Variants in GRIK2 observed in about 807,000 individuals in gnomAD.
GRIK2 encodes the protein glutamate receptor ionotropic, kainate 2.
In GRIK2, 32 loss-of-function variants were observed where a neutral mutation model predicts 100.3. The ratio of observed to expected loss-of-function variants is 0.32; its 90% confidence interval spans 0.24 to 0.43. The LOEUF (loss-of-function observed/expected upper bound fraction) is 0.43. Ranked by LOEUF, GRIK2 falls within the 20% of genes least tolerant of loss-of-function variation. GRIK2 has a pLI of 1.00. For synonymous variants in GRIK2, 417 were observed against 389.4 expected (o/e 1.07, Z -0.83); for missense variants, 843 against 1,114.9 (o/e 0.76, Z 3.47).
intron 7 of GRIK2, among the ~76,000 whole-genome samples, chr6:101,762,943 A>G (rs1777822876): frequency 1.3e-5 from 2 of 152,170 alleles, no homozygotes. Context: ...CATCAGACTT[A>G]AGAGCTGGCT....
chr6:101,922,862 C>A (rs1789647281), intron 12 of GRIK2, among the ~76,000 whole-genome samples: 1 of 152,116 alleles, frequency 6.6e-6, no homozygotes, highest in Non-Finnish European at 1.5e-5. Context: ...AGACTGATGG[C>A]CAACATTCTG....
At chr6:101,759,656 C>G (rs1406223313) in intron 7 of GRIK2, among the ~76,000 whole-genome samples, 1 of 151,874 alleles carries the variant, frequency 6.6e-6, no homozygotes, top group East Asian at 1.9e-4. Context: ...CATTAAGGCC[C>G]TTTGTTGTGT....
At chr6:101,465,893 G>A (rs1226498178) in intron 2 of GRIK2, among the ~76,000 whole-genome samples, 5 of 152,180 alleles carry the variant, frequency 3.3e-5, no homozygotes, top group Non-Finnish European at 7.3e-5. Context: ...GTTAATTCAA[G>A]TCTTATGGGG....
At chr6:101,895,809 C>G (rs1367551556) in intron 12 of GRIK2, among the ~76,000 whole-genome samples, 1 of 151,416 alleles carries the variant, frequency 6.6e-6, no homozygotes, top group Non-Finnish European at 1.5e-5. Flanking sequence ...TGCAGAAAAG[C>G]CTATTTATTA....
chr6:102,034,676 GA>G (rs1362445977), intron 14 of GRIK2, among the ~76,000 whole-genome samples: 1 of 151,262 alleles, frequency 6.6e-6, no homozygotes, highest in Non-Finnish European at 1.5e-5. Context: ...ATTGGTCCAG[GA>G]ATCTTTAGTT....
At chr6:101,887,643 G>A (rs1346498511) in intron 11 of GRIK2, among the ~76,000 whole-genome samples, 1 of 152,134 alleles carries the variant, frequency 6.6e-6, no homozygotes, top group African/African-American at 2.4e-5. Flanking sequence ...TAGGAAGCAT[G>A]GCTATGGAAG....
chr6:102,056,869 T>A (rs546566089), intron 16 of GRIK2, among the ~76,000 whole-genome samples: 47 of 152,142 alleles, frequency 3.1e-4, no homozygotes, highest in South Asian at 1.9e-3. Flanking sequence ...TAACCCCATT[T>A]TGTCTATGAC....
intron 12 of GRIK2, among the ~76,000 whole-genome samples, chr6:101,912,484 G>T (rs944848290): frequency 2.0e-5 from 3 of 151,516 alleles, no homozygotes; most frequent in African/African-American, 7.3e-5. Flanking sequence ...ATTACCAGTG[G>T]TGGGAAAGCC....
chr6:101,781,299 A>G (rs1377102921), intron 7 of GRIK2, among the ~76,000 whole-genome samples: 1 of 152,176 alleles, frequency 6.6e-6, no homozygotes, highest in African/African-American at 2.4e-5. Flanking sequence ...CTTCCAGGAC[A>G]ACGACTGGAA....
intron 10 of GRIK2, among the ~76,000 whole-genome samples, chr6:101,853,739 T>C (rs1336131096): frequency 1.3e-5 from 2 of 152,096 alleles, no homozygotes; most frequent in African/African-American, 4.8e-5. Flanking sequence ...ATTCACACTA[T>C]GTAATATTAT....
In GRIK2 at chr6:101,482,451, C is replaced by A. The variant is rs973303809; in HGVS notation, c.115+83059C>A. ...TTTGGCTTTCCCAGAGAAGGTTATACCAGCTCGGTGTTAAATAATACGTTC... is the reference window on the plus strand; with the variant it reads ...TTTGGCTTTCCCAGAGAAGGTTATAACAGCTCGGTGTTAAATAATACGTTC... On this transcript the variant is annotated intron_variant, in intron 2 of 16. Transcript: ENST00000369134. Among the ~76,000 whole-genome samples, 3 of 151,956 alleles carry A rather than the reference C, an allele frequency of 2.0e-5. No individual in the cohort carries two copies. The South Asian group carries it at 6.2e-4, about 32-fold the overall frequency.
At chr6:101,559,060 C>T (rs549973927) in intron 2 of GRIK2, among the ~76,000 whole-genome samples, 1 of 152,152 alleles carries the variant, frequency 6.6e-6, no homozygotes, top group South Asian at 2.1e-4. Flanking sequence ...CCCTAACATC[C>T]AGTCAGTCAT....
intron 2 of GRIK2, among the ~76,000 whole-genome samples, chr6:101,509,569 C>T (rs1175077195): frequency 6.6e-6 from 1 of 152,122 alleles, no homozygotes; most frequent in Non-Finnish European, 1.5e-5. Context: ...AGAAGTCTGC[C>T]TTGTTTCTCT....
chr6:101,476,088 A>G (rs1004323771), intron 2 of GRIK2, among the ~76,000 whole-genome samples: 25 of 152,120 alleles, frequency 1.6e-4, no homozygotes, highest in African/African-American at 6.0e-4. Flanking sequence ...AATTTTAATT[A>G]AGAATGTTGT....
At chr6:101,502,702 A>G (rs930751458) in intron 2 of GRIK2, among the ~76,000 whole-genome samples, 1 of 152,214 alleles carries the variant, frequency 6.6e-6, no homozygotes, top group Non-Finnish European at 1.5e-5. Flanking sequence ...TCTAGCTGTC[A>G]GGTATTGGTG....
intron 7 of GRIK2, among the ~76,000 whole-genome samples, chr6:101,794,657 G>C (rs2128410609): frequency 6.6e-6 from 1 of 150,778 alleles, no homozygotes. Context: ...TTGTTTTTCT[G>C]TGTTCTCTGT....
chr6:101,928,453 G>A lies in GRIK2; in HGVS notation c.1906G>A (p.Val636Met). The A allele has an allele frequency of 6.2e-7, 1 of 1,607,460 alleles. No individual in the cohort carries two copies. Among genetic ancestry groups the A allele is most frequent in the Non-Finnish European group, 8.5e-7 (1 of 1,174,024 alleles). Residue 636 changes from valine (V) to methionine (M), a missense_variant, in exon 14 of 17, where the codon GTG becomes ATG. Physicochemically the swap from Val to Met is conservative, Grantham distance 21. Transcript: ENST00000369134. Reference sequence around the variant, plus strand: ...GCCCAAAGCACTGTCCACCAGGATAGTGGGAGGCATTTGGTGGTTTTTCAC... The same window carrying A: ...GCCCAAAGCACTGTCCACCAGGATAATGGGAGGCATTTGGTGGTTTTTCAC... ...LMPKALSTRI[V>M]GGIWWFFTLI...
At chr6:101,570,181 A>G (rs769673488) in intron 2 of GRIK2, among the ~76,000 whole-genome samples, 2 of 152,072 alleles carry the variant, frequency 1.3e-5, no homozygotes, top group Admixed American at 6.6e-5. Context: ...CATGATCTCT[A>G]TACAGTTTGG....
intron 7 of GRIK2, among the ~76,000 whole-genome samples, chr6:101,785,149 T>A (rs1779343218): frequency 6.8e-6 from 1 of 147,300 alleles, no homozygotes; most frequent in South Asian, 2.4e-4. Context: ...TGGGATTTTT[T>A]ATTTATTTAT....
Sources: gnomAD v4.1 joint callset for allele counts (sites outside exome capture counted in the v4.1 genomes callset) on GRCh38, gnomAD v4.1.1 for gene constraint, MANE v1.5 for transcripts, NCBI Gene and HGNC (gene_info 2026-07-23, HGNC 2026-07-21) for gene names.